PPP6R2: variants seen among roughly 807,000 people sequenced by gnomAD.
The protein encoded by PPP6R2 is serine/threonine-protein phosphatase 6 regulatory subunit 2.
PPP6R2 carries 62 observed loss-of-function variants against 100.2 expected under a neutral mutation model. The observed-to-expected ratio is 0.62, with a 90% CI of 0.50 to 0.76. The LOEUF (loss-of-function observed/expected upper bound fraction) is 0.76, where lower values mean the gene tolerates loss of function less well. Among genes scored for constraint, PPP6R2 ranks in the 30% least tolerant of loss-of-function variants. The pLI is 0.00. For missense variants in PPP6R2, 1,142 were observed against 1,276.3 expected (o/e 0.89, Z 1.60); for synonymous variants, 525 against 514.7 (o/e 1.02, Z -0.27).
intron 2 of PPP6R2, among the ~76,000 whole-genome samples, chr22:50,377,747 G>A (rs1369028366): frequency 1.3e-5 from 2 of 152,120 alleles, no homozygotes; most frequent in African/African-American, 2.4e-5. Flanking sequence ...GGTGGCTGAC[G>A]CCTGTAATCC....
intron 2 of PPP6R2, chr22:50,393,346 C>G (rs1200650381): frequency 1.0e-6 from 1 of 973,820 alleles, no homozygotes; most frequent in Non-Finnish European, 1.2e-6. Flanking sequence ...CAGGCAGCAT[C>G]AGCTGTCTTG....
intron 22 of PPP6R2, chr22:50,443,467 C>A: frequency 5.6e-6 from 1 of 178,016 alleles, no homozygotes; most frequent in Admixed American, 5.7e-5. Flanking sequence ...CCAGAGCAAG[C>A]CCCTTAGATG....
intron 22 of PPP6R2, among the ~76,000 whole-genome samples, chr22:50,442,110 G>A (rs536077888): frequency 6.6e-5 from 10 of 152,282 alleles, no homozygotes; most frequent in East Asian, 1.9e-4. Flanking sequence ...TGCCTGGAGC[G>A]GGGTGAGGGT....
intron 3 of PPP6R2, among the ~76,000 whole-genome samples, chr22:50,394,637 T>C (rs1416589601): frequency 7.1e-6 from 1 of 141,034 alleles, no homozygotes; most frequent in African/African-American, 2.7e-5. Flanking sequence ...CCGGGCACAG[T>C]GGCTCATGTC....
At chr22:50,335,441 C>T in the PPP6R2 span, among the ~76,000 whole-genome samples, 11 of 149,708 alleles carry the variant, frequency 7.3e-5, no homozygotes, top group South Asian at 2.1e-4. Context: ...GTGATCTGCC[C>T]GCCTCGGCCT....
At chr22:50,341,849 CG>C (rs1216591331), upstream of PPP6R2, among the ~76,000 whole-genome samples, 1 of 152,128 alleles carries the variant, frequency 6.6e-6, no homozygotes, top group Non-Finnish European at 1.5e-5. Context: ...AAAAATTAGC[CG>C]GGCGCGGTGG....
At chr22:50,353,445 G>A (rs2045756591) in intron 1 of PPP6R2, among the ~76,000 whole-genome samples, 1 of 152,096 alleles carries the variant, frequency 6.6e-6, no homozygotes, top group South Asian at 2.1e-4. Flanking sequence ...TCCTATATGG[G>A]CACGGTTTGT....
chr22:50,338,714 GGTGT>G (rs1224602878), upstream of PPP6R2, among the ~76,000 whole-genome samples: 19 of 141,714 alleles, frequency 1.3e-4, no homozygotes, highest in Admixed American at 1.3e-3. Context: ...TAGGGTGTGT[GGTGT>G]GTGTGTGGTG....
intron 12 of PPP6R2, among the ~76,000 whole-genome samples, chr22:50,432,626 T>C (rs1292725553): frequency 6.6e-6 from 1 of 152,224 alleles, no homozygotes; most frequent in Non-Finnish European, 1.5e-5. Flanking sequence ...GGGTCCGCTG[T>C]CCGTTCCTGA....
chr22:50,332,379 C>T, the PPP6R2 span, among the ~76,000 whole-genome samples: 1 of 151,740 alleles, frequency 6.6e-6, no homozygotes, highest in South Asian at 2.1e-4. Flanking sequence ...TACAGGTGCC[C>T]ACCACCACAC....
At chr22:50,441,701 G>A (rs1603423927) in intron 22 of PPP6R2, among the ~76,000 whole-genome samples, 2 of 152,134 alleles carry the variant, frequency 1.3e-5, no homozygotes, top group South Asian at 4.1e-4. Flanking sequence ...AGTGGAGAGG[G>A]AGGCTCTCCC....
chr22:50,356,109 C>T (rs28840684), intron 1 of PPP6R2, among the ~76,000 whole-genome samples: 33,286 of 151,170 alleles, frequency 0.22, 5,418 homozygotes, highest in African/African-American at 0.46. Flanking sequence ...ACCACAGGCG[C>T]CCGCCACCAC....
At chr22:50,396,809 G>A (rs1352276404) in intron 3 of PPP6R2, among the ~76,000 whole-genome samples, 3 of 152,178 alleles carry the variant, frequency 2.0e-5, no homozygotes, top group African/African-American at 7.2e-5. Context: ...AGCAGTGCTG[G>A]GTTGGGGAGG....
chr22:50,342,056 G>T (rs1569224199), upstream of PPP6R2, among the ~76,000 whole-genome samples: 1 of 151,974 alleles, frequency 6.6e-6, no homozygotes, highest in African/African-American at 2.4e-5. Context: ...GAGCACAGGA[G>T]GGGTATCAAG....
chr22:50,393,857 G>A, intron 2 of PPP6R2, 36 bp from the exon 3 acceptor site: 2 of 1,609,580 alleles, frequency 1.2e-6, no homozygotes, highest in Non-Finnish European at 8.5e-7. Flanking sequence ...GGATTTGCAA[G>A]GGTGAGAGAC....
Position 50,410,469 on chromosome 22 carries a change from CTTTTTTTTTTT to C in PPP6R2, c.414+3609_414+3619del, listed in dbSNP as rs200178930. 2.4e-3 allele frequency among the ~76,000 whole-genome samples: 244 copies of C among 103,398 alleles called. 1 individual carries two copies. The highest frequency in any genetic ancestry group is 7.4e-3 in the South Asian group (22 of 2,980). 67.8% of individuals were successfully genotyped at this position (103,398 alleles called of 152,430 possible). On this transcript the variant is annotated intron_variant, in intron 4 of 23. Transcript: ENST00000612753. ...ATCTTTGTATTATTTTGAGTGGTGT[CTTTTTTTTTTT>C]TTTTTTTTTTTTTTGAGACGGAGTC... is the stretch of plus-strand genomic sequence containing the variant.
intron 2 of PPP6R2, among the ~76,000 whole-genome samples, chr22:50,387,914 G>A (rs889482361): frequency 6.6e-6 from 1 of 152,168 alleles, no homozygotes; most frequent in African/African-American, 2.4e-5. Flanking sequence ...TGTCGATGCT[G>A]CATTTTACGG....
chr22:50,440,919 G>T lies in PPP6R2; in HGVS notation c.2472G>T (p.Glu824Asp), dbSNP rs778395945. The T allele has an allele frequency of 5.0e-6, 8 of 1,613,614 alleles. No individual in the cohort carries two copies. The highest frequency in any genetic ancestry group is 3.3e-5 in the Admixed American group (2 of 60,006). The part of the protein sequence containing the change: ...DSSSSGGSHS[E>D]DGDQKAASAM... ...GCTCCTCTGGGGGCTCCCACAGCGA[G>T]GATGGCGACCAGAAGGCAGCGAGTG... The change falls in exon 22 of 24, where the codon GAG becomes GAT. Residue 824 changes from glutamate to aspartate, a missense_variant. Glu to Asp is a conservative substitution (Grantham distance 45). Coordinates refer to ENST00000612753, the MANE Select transcript of PPP6R2 (RefSeq NM_001242898.2).
intron 4 of PPP6R2, among the ~76,000 whole-genome samples, chr22:50,408,501 C>T (rs181569258): frequency 1.1e-3 from 166 of 152,168 alleles, no homozygotes; most frequent in African/African-American, 3.9e-3. Context: ...GAGTGAAGGT[C>T]GCCAGCAGCA....
Sources: allele counts gnomAD v4.1 joint callset (sites outside exome capture counted in the v4.1 genomes callset), GRCh38; gene constraint gnomAD v4.1.1; transcripts MANE v1.5; gene names NCBI Gene and HGNC (gene_info 2026-07-23, HGNC 2026-07-21).